MPHOSPH6: variants seen among roughly 807,000 people sequenced by gnomAD.
MPHOSPH6 encodes M-phase phosphoprotein 6.
In MPHOSPH6, 25 loss-of-function variants were observed where a neutral mutation model predicts 21.8. That is an observed-to-expected ratio of 1.15 (90% CI 0.83 to 1.60). The LOEUF is 1.60. MPHOSPH6 is among the 40% of genes most tolerant of loss of function. The pLI, the probability that MPHOSPH6 is intolerant of heterozygous loss-of-function variation, is 0.00. For synonymous variants in MPHOSPH6, 84 were observed against 56.5 expected, an observed-to-expected ratio of 1.49 and a Z score of -2.18; for missense variants, 269 against 181.8, an observed-to-expected ratio of 1.48 and a Z score of -2.76.
chr16:82,169,632 T>C (rs1486784296), intron 1 of MPHOSPH6, among the ~76,000 whole-genome samples: 1 of 152,172 alleles, frequency 6.6e-6, no homozygotes, highest in Admixed American at 6.5e-5. Flanking sequence ...AGAACTCTAC[T>C]AAAAGAAGTA....
intron 2 of MPHOSPH6, among the ~76,000 whole-genome samples, chr16:82,158,270 C>T (rs144814226): frequency 5.9e-4 from 89 of 151,052 alleles, no homozygotes; most frequent in African/African-American, 2.1e-3. Flanking sequence ...AGGAGGATCA[C>T]GAGGTCAGGA....
chr16:82,168,299 T>A (rs2967358), intron 1 of MPHOSPH6, among the ~76,000 whole-genome samples: 4,364 of 152,240 alleles, frequency 0.029, 205 homozygotes, highest in African/African-American at 0.099. Flanking sequence ...TTACCAACCA[T>A]AAAATCAAAC....
intron 2 of MPHOSPH6, among the ~76,000 whole-genome samples, chr16:82,161,577 T>A (rs189612498): frequency 6.6e-6 from 1 of 152,314 alleles, no homozygotes; most frequent in African/African-American, 2.4e-5. Context: ...TCACACTATA[T>A]CGGGTTCCCT....
intron 2 of MPHOSPH6, among the ~76,000 whole-genome samples, chr16:82,162,968 C>T (rs948531651): frequency 6.7e-6 from 1 of 148,672 alleles, no homozygotes; most frequent in African/African-American, 2.5e-5. Flanking sequence ...ATAGCTCCAG[C>T]AGCAAAGGTC....
At position 82,148,661 on chromosome 16, in the gene MPHOSPH6, T is replaced by A; in HGVS notation, c.*70A>T. 1 of 1,561,524 alleles carries A rather than the reference T, an allele frequency of 6.4e-7. No homozygotes were observed. Among genetic ancestry groups the A allele is most frequent in the Non-Finnish European group, 8.7e-7 (1 of 1,148,736 alleles). On this transcript the variant is annotated 3_prime_UTR_variant, in exon 5 of 5. Coordinates refer to ENST00000258169, the MANE Select transcript of MPHOSPH6 (RefSeq NM_005792.2). ...AGTATTAATAACTATAGAGACACCA[T>A]TGGGATGAGCTCCAGATGCCCTGCT...
Position 82,151,434 on chromosome 16 carries a change from G to A in MPHOSPH6, c.245C>T (p.Pro82Leu). 1 of 1,605,482 alleles carries A rather than the reference G, an allele frequency of 6.2e-7. No individual in the cohort carries two copies. The highest frequency in any genetic ancestry group is 8.5e-7 in the Non-Finnish European group (1 of 1,176,758). The change falls in exon 3 of 5, where the codon CCT (proline) becomes CTT (leucine). Residue 82 changes from proline to leucine, a missense_variant. Pro to Leu is a moderately conservative substitution (Grantham distance 98, BLOSUM62 -3). Coordinates refer to ENST00000258169, the MANE Select transcript of MPHOSPH6 (RefSeq NM_005792.2). Reference protein sequence around the residue: ...YGRMSFRGFNPEVEKLMLQMN... With the variant: ...YGRMSFRGFNLEVEKLMLQMN... ...AATTATATTTAATACCTCAACCTCA[G>A]GATTAAATCCTCTGAATGACATTCT...
At chr16:82,164,558 T>G in intron 1 of MPHOSPH6, 1 of 187,386 alleles carries the variant, frequency 5.3e-6, no homozygotes, top group South Asian at 1.3e-4. Context: ...TCCTCGCCCG[T>G]CTGACATAGG....
intron 3 of MPHOSPH6, 46 bp from the exon 4 acceptor site, chr16:82,149,449 G>C: frequency 6.5e-7 from 1 of 1,538,954 alleles, no homozygotes; most frequent in Non-Finnish European, 8.9e-7. Context: ...AAACGCTTGT[G>C]AAAGGAACTG....
chr16:82,150,234 C>T (rs1906221441), intron 3 of MPHOSPH6, among the ~76,000 whole-genome samples: 1 of 152,090 alleles, frequency 6.6e-6, no homozygotes, highest in African/African-American at 2.4e-5. Flanking sequence ...AGTGGCACCT[C>T]TCCTTTCCCA....
At chr16:82,159,041 T>C (rs1906523869) in intron 2 of MPHOSPH6, among the ~76,000 whole-genome samples, 1 of 152,248 alleles carries the variant, frequency 6.6e-6, no homozygotes, top group Non-Finnish European at 1.5e-5. Context: ...AAACTACTAC[T>C]GACTGAGTTT....
At chr16:82,166,129 T>C (rs1006311623) in intron 1 of MPHOSPH6, among the ~76,000 whole-genome samples, 29 of 152,228 alleles carry the variant, frequency 1.9e-4, no homozygotes, top group African/African-American at 7.0e-4. Flanking sequence ...TATCCTAGTG[T>C]TGTAAAATGT....
chr16:82,165,343 C>T (rs572229477), intron 1 of MPHOSPH6, among the ~76,000 whole-genome samples: 1 of 151,824 alleles, frequency 6.6e-6, no homozygotes, highest in African/African-American at 2.4e-5. Flanking sequence ...CCAGGCTGGT[C>T]TCAAACTCCT....
intron 2 of MPHOSPH6, among the ~76,000 whole-genome samples, chr16:82,154,861 G>A (rs928112709): frequency 1.3e-5 from 2 of 152,132 alleles, no homozygotes; most frequent in African/African-American, 4.8e-5. Context: ...GAACTAAGAA[G>A]AGGAGGTAGG....
intron 1 of MPHOSPH6, among the ~76,000 whole-genome samples, chr16:82,164,413 T>C (rs1001169810): frequency 6.6e-6 from 1 of 152,236 alleles, no homozygotes; most frequent in Admixed American, 6.5e-5. Context: ...ATGCACAATG[T>C]ATATTTCCTT....
chr16:82,167,833 T>C (rs1240905188), intron 1 of MPHOSPH6, among the ~76,000 whole-genome samples: 1 of 152,212 alleles, frequency 6.6e-6, no homozygotes, highest in Non-Finnish European at 1.5e-5. Context: ...CACTTCCTGC[T>C]GTGCAGCCTG....
chr16:82,169,954 G>A (rs1402959521), intron 1 of MPHOSPH6, 171 bp downstream of exon 1: 1 of 750,376 alleles, frequency 1.3e-6, no homozygotes, highest in Non-Finnish European at 2.0e-6. Context: ...TCGTAAGCTG[G>A]TTCCCAGTAA....
intron 1 of MPHOSPH6, among the ~76,000 whole-genome samples, chr16:82,169,291 C>G (rs1045704529): frequency 6.6e-6 from 1 of 152,196 alleles, no homozygotes; most frequent in Non-Finnish European, 1.5e-5. Flanking sequence ...GTCTCTAATT[C>G]TTGGAAATTT....
intron 1 of MPHOSPH6, among the ~76,000 whole-genome samples, chr16:82,166,820 T>A (rs1285627849): frequency 6.6e-6 from 1 of 152,226 alleles, no homozygotes; most frequent in Non-Finnish European, 1.5e-5. Flanking sequence ...TTTAGTCATG[T>A]ACCTATTCTT....
intron 1 of MPHOSPH6, among the ~76,000 whole-genome samples, chr16:82,166,791 A>C (rs181221217): frequency 5.5e-4 from 84 of 152,238 alleles, no homozygotes; most frequent in African/African-American, 1.9e-3. Context: ...ATACTGCCCA[A>C]CTGCCCTTTT....
Sources: allele counts gnomAD v4.1 joint callset (sites outside exome capture counted in the v4.1 genomes callset), GRCh38; gene constraint gnomAD v4.1.1; transcripts MANE v1.5; gene names NCBI Gene and HGNC (gene_info 2026-07-23, HGNC 2026-07-21).